NRXN3: variants seen among roughly 807,000 people sequenced by gnomAD.
NRXN3 encodes the protein neurexin III.
NRXN3 carries 32 observed loss-of-function variants against 137.6 expected under a neutral mutation model. The observed-to-expected ratio is 0.23, with a 90% CI of 0.18 to 0.31. NRXN3 has a LOEUF of 0.31. Ranked by LOEUF, NRXN3 falls within the 10% of genes least tolerant of loss-of-function variation. The pLI is 1.00. For synonymous variants in NRXN3, 798 were observed against 784.5 expected (o/e 1.02, Z -0.29); for missense variants, 1,574 against 2,062.5 (o/e 0.76, Z 4.59).
chr14:79,577,486 A>T (rs1409592077), intron 16 of NRXN3, among the ~76,000 whole-genome samples: 3 of 152,034 alleles, frequency 2.0e-5, no homozygotes, highest in Non-Finnish European at 4.4e-5. Flanking sequence ...TCTTTTGCCT[A>T]TTCATTATTC....
At chr14:79,222,401 C>T (rs1439916764) in intron 15 of NRXN3, among the ~76,000 whole-genome samples, 1 of 151,996 alleles carries the variant, frequency 6.6e-6, no homozygotes. Context: ...CTGGATGTAC[C>T]ACAGTTTATT....
At chr14:79,605,998 T>C (rs2098009342) in intron 16 of NRXN3, among the ~76,000 whole-genome samples, 1 of 152,138 alleles carries the variant, frequency 6.6e-6, no homozygotes, top group Non-Finnish European at 1.5e-5. Context: ...AGTTCCAAAG[T>C]AGAAGGAGCT....
At position 78,207,157 on chromosome 14, in the gene NRXN3, C is replaced by T. The variant is rs188735822; in HGVS notation, c.-703-35234C>T. 3.3e-3 allele frequency among the ~76,000 whole-genome samples: 499 copies of T among 152,274 alleles called. 7 individuals are homozygous for T. The highest frequency in any genetic ancestry group is 0.012 in the African/African-American group (485 of 41,548). On this transcript the variant is annotated intron_variant, in intron 1 of 20. Coordinates refer to ENST00000335750, the MANE Select transcript of NRXN3 (RefSeq NM_001330195.2). ...GGGATTACAGGTGTGAACCACCGCG[C>T]CCGGCCTCCCCACATTGGACTTTCT...
chr14:79,315,613 AT>A (rs2088427350), intron 15 of NRXN3, among the ~76,000 whole-genome samples: 1 of 152,218 alleles, frequency 6.6e-6, no homozygotes, highest in Admixed American at 6.5e-5. Context: ...GTGCAGAAAA[AT>A]ATTACAATAA....
chr14:78,280,536 T>C (rs2074263497), intron 3 of NRXN3, among the ~76,000 whole-genome samples: 1 of 152,164 alleles, frequency 6.6e-6, no homozygotes, highest in Admixed American at 6.5e-5. Flanking sequence ...GGCTTCTCTT[T>C]CTGGTTCCCA....
At chr14:79,070,919 G>A (rs2099686824) in intron 15 of NRXN3, among the ~76,000 whole-genome samples, 1 of 152,184 alleles carries the variant, frequency 6.6e-6, no homozygotes, top group Non-Finnish European at 1.5e-5. Flanking sequence ...GAGCAAACAT[G>A]TAGTTTGGGT....
At chr14:79,656,304 A>G (rs1206865294) in intron 16 of NRXN3, among the ~76,000 whole-genome samples, 1 of 152,146 alleles carries the variant, frequency 6.6e-6, no homozygotes, top group African/African-American at 2.4e-5. Flanking sequence ...GAGTCCTGCC[A>G]GGAGACTGCT....
rs551407817 is a variant in NRXN3 at position 78,887,909 on chromosome 14, T to A, written c.2276-69333T>A. ...GCTCTTCTGCTGAAGTCTCTGTGTA[T>A]CCAGAATGCCTGGGATTGGATTCTT... On this transcript the variant is annotated intron_variant, in intron 10 of 20. Coordinates refer to ENST00000335750, the MANE Select transcript of NRXN3 (RefSeq NM_001330195.2). Among the ~76,000 whole-genome samples the A allele has an allele frequency of 4.6e-5, 7 of 152,066 alleles. No homozygotes were observed. In the East Asian group the frequency reaches 1.2e-3, roughly 25 times the overall value.
At chr14:78,587,754 T>G (rs765076064) in intron 4 of NRXN3, among the ~76,000 whole-genome samples, 5 of 152,350 alleles carry the variant, frequency 3.3e-5, no homozygotes, top group African/African-American at 1.2e-4. Context: ...AAACTTTTTC[T>G]TAAAGACTCA....
chr14:78,511,837 C>T (rs541397583), intron 4 of NRXN3, among the ~76,000 whole-genome samples: 92 of 152,152 alleles, frequency 6.0e-4, no homozygotes, highest in African/African-American at 2.1e-3. Context: ...CCAGGACTTC[C>T]AGCTCCCAGG....
intron 10 of NRXN3, among the ~76,000 whole-genome samples, chr14:78,825,145 C>T (rs977146837): frequency 1.4e-5 from 2 of 146,340 alleles, no homozygotes; most frequent in African/African-American, 2.5e-5. Context: ...TGCAGTGAGC[C>T]GAGATTGCAA....
chr14:78,239,339 G>A (rs118033174), intron 1 of NRXN3, among the ~76,000 whole-genome samples: 1,735 of 152,316 alleles, frequency 0.011, 10 homozygotes, highest in Non-Finnish European at 0.019. Context: ...GGTGAGATTG[G>A]TGTCTTTATT....
At position 78,726,781 on chromosome 14, in the gene NRXN3, C is replaced by T. The variant is rs569993287; in HGVS notation, c.2044+11642C>T. On this transcript the variant is annotated intron_variant, in intron 8 of 20. Coordinates refer to ENST00000335750, the MANE Select transcript of NRXN3 (RefSeq NM_001330195.2). ...CAGTCTGCCCACCTCGGCCTCCCAACGTGCTGGGATTACAGGCGTGAGTCA... is the reference window on the plus strand; with the variant it reads ...CAGTCTGCCCACCTCGGCCTCCCAATGTGCTGGGATTACAGGCGTGAGTCA... 5.3e-5 allele frequency among the ~76,000 whole-genome samples: 8 copies of T among 151,894 alleles called. No individual in the cohort carries two copies. The South Asian group carries it at 1.2e-3, about 24-fold the overall frequency.
At chr14:79,688,938 TA>T (rs2098705695) in intron 17 of NRXN3, among the ~76,000 whole-genome samples, 2 of 152,166 alleles carry the variant, frequency 1.3e-5, no homozygotes, top group Non-Finnish European at 2.9e-5. Flanking sequence ...TGTTTTTTTC[TA>T]AAACCCAGTC....
At chr14:78,783,634 T>G (rs1324526050) in intron 8 of NRXN3, among the ~76,000 whole-genome samples, 1 of 152,164 alleles carries the variant, frequency 6.6e-6, no homozygotes, top group Admixed American at 6.5e-5. Flanking sequence ...CTCAGTATAA[T>G]TTTTATAACT....
chr14:79,271,100 G>A (rs1457111997), intron 15 of NRXN3, among the ~76,000 whole-genome samples: 1 of 152,186 alleles, frequency 6.6e-6, no homozygotes, highest in Non-Finnish European at 1.5e-5. Flanking sequence ...TCATGGAATA[G>A]TGAGTGAGAC....
Position 78,355,298 on chromosome 14 carries a change from G to A in NRXN3, c.757+57438G>A, listed in dbSNP as rs17107437. Among the ~76,000 whole-genome samples the A allele has an allele frequency of 8.8e-3, 1,329 of 151,590 alleles. 41 individuals are homozygous for A. The highest frequency in any genetic ancestry group is 0.085 in the East Asian group (439 of 5,162). ...TTTGAGGGAGCACAGTGAGAGATGG[G>A]AGAACAAGATAGGCAGGAGCTGGCT... On this transcript the variant is annotated intron_variant, in intron 4 of 20. Transcript: ENST00000335750.
rs115361839 is a variant in NRXN3 at position 78,272,987 on chromosome 14, T to G, written c.710-5658T>G. On this transcript the variant is annotated intron_variant, in intron 2 of 20. Transcript: ENST00000335750. ...TATTAAAAAAATCAATATACACATA[T>G]GTATACACGCATATTTGCATAGATA... Among the ~76,000 whole-genome samples, 1,255 of 152,298 alleles carry G rather than the reference T, an allele frequency of 8.2e-3. 11 individuals carry two copies. Among genetic ancestry groups the G allele is most frequent in the African/African-American group, 0.028 (1,184 of 41,560 alleles).
rs1035425134 is a variant in NRXN3 at position 78,591,351 on chromosome 14, C to G, written c.758-53769C>G. ...GATTTCATAGGCCTGGAGTGGAACC[C>G]AAGACTGTGTTTCTAACTAGCTTCC... On this transcript the variant is annotated intron_variant, in intron 4 of 20. Coordinates refer to ENST00000335750, the MANE Select transcript of NRXN3 (RefSeq NM_001330195.2). Among the ~76,000 whole-genome samples, 6 of 152,130 alleles carry G rather than the reference C, an allele frequency of 3.9e-5. No homozygotes were observed. The East Asian group carries it at 9.6e-4, about 24-fold the overall frequency.
Sources: gnomAD v4.1 joint callset for allele counts (sites outside exome capture counted in the v4.1 genomes callset) on GRCh38, gnomAD v4.1.1 for gene constraint, MANE v1.5 for transcripts, NCBI Gene and HGNC (gene_info 2026-07-23, HGNC 2026-07-21) for gene names.